Variants in ICOS observed in about 807,000 individuals in gnomAD.
ICOS encodes the protein inducible T cell costimulator, also known as inducible T-cell costimulator.
ICOS carries 15 observed loss-of-function variants against 24.6 expected under a neutral mutation model. That is an observed-to-expected ratio of 0.61 (90% confidence interval 0.41 to 0.94). The LOEUF (loss-of-function observed/expected upper bound fraction) is 0.94. Ranked by LOEUF, ICOS falls within the 40% of genes least tolerant of loss-of-function variation. The probability of loss-of-function intolerance (pLI) is 0.00; values close to 1 mark genes in which losing one functional copy is unlikely to be tolerated. For missense variants in ICOS, 200 were observed against 233.0 expected, an observed-to-expected ratio of 0.86 and a Z score of 0.92; for synonymous variants, 89 against 77.5, an observed-to-expected ratio of 1.15 and a Z score of -0.78.
At position 203,961,227 on chromosome 2, in the gene ICOS, A is replaced by G. The variant is rs983617040; in HGVS notation, c.*1628A>G. 1 of 152,692 alleles carries G rather than the reference A, an allele frequency of 6.5e-6. No individual in the cohort carries two copies. Among genetic ancestry groups the G allele is most frequent in the African/African-American group, 2.4e-5 (1 of 41,138 alleles). The allele number at this position is 152,692 out of a possible 1,614,324, so 9.5% of individuals were successfully genotyped here. A position where few individuals can be genotyped will look rare whatever the true frequency, so the allele number is the denominator to read the frequency against. On this transcript the variant is annotated 3_prime_UTR_variant, in exon 5 of 5. Coordinates refer to ENST00000316386, the MANE Select transcript of ICOS (RefSeq NM_012092.4). ...TTATCTTAAGCATGTGTAATGCTGGATGTGTACAGTACAGTACTGAACTTG... is the reference window on the plus strand; with the variant it reads ...TTATCTTAAGCATGTGTAATGCTGGGTGTGTACAGTACAGTACTGAACTTG...
At chr2:203,948,163 G>A (rs1689906079) in intron 1 of ICOS, among the ~76,000 whole-genome samples, 1 of 152,162 alleles carries the variant, frequency 6.6e-6, no homozygotes, top group African/African-American at 2.4e-5. Context: ...TTTCTTTAAA[G>A]CTCAGACAGA....
intron 1 of ICOS, among the ~76,000 whole-genome samples, chr2:203,947,228 A>C (rs1280033614): frequency 2.0e-5 from 3 of 152,212 alleles, no homozygotes; most frequent in Non-Finnish European, 4.4e-5. Context: ...GAAAACCTAA[A>C]GAGATCACTT....
intron 1 of ICOS, among the ~76,000 whole-genome samples, chr2:203,951,119 C>T (rs767097179): frequency 6.6e-5 from 10 of 151,920 alleles, no homozygotes; most frequent in African/African-American, 2.4e-4. Flanking sequence ...CAGCTGATGT[C>T]AGTGGCACAC....
chr2:203,942,726 G>C (rs927953657), intron 1 of ICOS, among the ~76,000 whole-genome samples: 4 of 152,058 alleles, frequency 2.6e-5, no homozygotes, highest in African/African-American at 7.2e-5. Flanking sequence ...GCTTCTTTTT[G>C]TTTTTTTATT....
chr2:203,950,077 T>A (rs1395352390), intron 1 of ICOS, among the ~76,000 whole-genome samples: 1 of 152,276 alleles, frequency 6.6e-6, no homozygotes, highest in African/African-American at 2.4e-5. Flanking sequence ...AATTTGTCAT[T>A]TGAGCATTGT....
At chr2:203,953,305 CGGGGTTCT>C (rs1412095069) in intron 1 of ICOS, among the ~76,000 whole-genome samples, 9 of 152,126 alleles carry the variant, frequency 5.9e-5, no homozygotes, top group African/African-American at 2.2e-4. Flanking sequence ...GCCTGTCTCT[CGGGGTTCT>C]GGTTCTCTCT....
intron 1 of ICOS, among the ~76,000 whole-genome samples, chr2:203,939,178 G>T (rs1457209663): frequency 6.6e-6 from 1 of 152,150 alleles, no homozygotes; most frequent in African/African-American, 2.4e-5. Flanking sequence ...ACCAAAGTTA[G>T]AACTCTAATG....
chr2:203,960,868 A>C lies in ICOS; in HGVS notation c.*1269A>C, dbSNP rs1430869619. On this transcript the variant is annotated 3_prime_UTR_variant, in exon 5 of 5. Coordinates refer to ENST00000316386, the MANE Select transcript of ICOS (RefSeq NM_012092.4). Reference sequence around the variant, plus strand: ...TCACAGTGGTCTACCTGCATTCATAATTCCAGGATCTGTGAAGAGCACATA... The same window carrying C: ...TCACAGTGGTCTACCTGCATTCATACTTCCAGGATCTGTGAAGAGCACATA... The C allele has an allele frequency of 6.6e-6, 1 of 152,214 alleles. No homozygotes were observed. The highest frequency in any genetic ancestry group is 1.5e-5 in the Non-Finnish European group (1 of 68,042). The allele number at this position is 152,214 out of a possible 1,614,324, so 9.4% of individuals were successfully genotyped here.
Position 203,957,852 on chromosome 2 carries a change from A to G in ICOS, c.555A>G (p.Ala185=). Residue 185 remains alanine, a synonymous_variant, in exon 4 of 5, where the codon GCA becomes GCG. Transcript: ENST00000316386. Reference sequence around the variant, plus strand: ...ACGGTGAATACATGTTCATGAGAGCAGTGAACACAGCCAAAAAATCTAGAC... The same window carrying G: ...ACGGTGAATACATGTTCATGAGAGCGGTGAACACAGCCAAAAAATCTAGAC... The part of the protein sequence containing the change: ...DPNGEYMFMR[A]VNTAKKSRLT... The G allele has an allele frequency of 1.2e-6, 2 of 1,612,898 alleles. No individual in the cohort carries two copies. The highest frequency in any genetic ancestry group is 1.1e-5 in the South Asian group (1 of 91,056).
At chr2:203,953,537 C>A (rs1162189692) in intron 1 of ICOS, among the ~76,000 whole-genome samples, 1 of 151,694 alleles carries the variant, frequency 6.6e-6, no homozygotes, top group African/African-American at 2.4e-5. Context: ...AAATTGAAGC[C>A]CAGGGTCATT....
At chr2:203,943,423 T>C (rs1255821950) in intron 1 of ICOS, among the ~76,000 whole-genome samples, 1 of 152,080 alleles carries the variant, frequency 6.6e-6, no homozygotes, top group Non-Finnish European at 1.5e-5. Flanking sequence ...GATTGTTGTC[T>C]CTCTTCTGGG....
At chr2:203,953,156 T>G (rs186418219) in intron 1 of ICOS, among the ~76,000 whole-genome samples, 17 of 152,300 alleles carry the variant, frequency 1.1e-4, no homozygotes, top group African/African-American at 3.8e-4. Context: ...ATGTAACTCT[T>G]TGGGGTCCCA....
Position 203,959,991 on chromosome 2 carries a change from A to G in ICOS, c.*392A>G, listed in dbSNP as rs1690149027. 5.8e-6 allele frequency: 2 copies of G among 346,342 alleles called. No homozygotes were observed. The highest frequency in any genetic ancestry group is 3.9e-5 in the Admixed American group (1 of 25,548). 21.5% of individuals were successfully genotyped at this position (346,342 alleles called of 1,614,324 possible). On this transcript the variant is annotated 3_prime_UTR_variant, in exon 5 of 5. Transcript: ENST00000316386. ...CAAAGCAAATGAGCAGCCAAGGACC[A>G]GCATCTGTCCGCATTTCACTATCAT...
rs1690066694 is a variant in ICOS at position 203,955,765 on chromosome 2, G to A, written c.188G>A (p.Cys63Tyr). ...TTGCTGAAAGGGGGGCAAATACTCT[G>A]CGATCTCACTAAGACAAAAGGAAGT... ...MQLLKGGQIL[C>Y]DLTKTKGSGN... The change falls in exon 2 of 5, where the codon TGC (cysteine) becomes TAC (tyrosine). Residue 63 changes from cysteine (C) to tyrosine (Y), a missense_variant. Physicochemically the swap from Cys to Tyr is radical, Grantham distance 194. Transcript: ENST00000316386. The A allele has an allele frequency of 1.9e-6, 3 of 1,613,790 alleles. No homozygotes were observed. Among genetic ancestry groups the A allele is most frequent in the Non-Finnish European group, 2.5e-6 (3 of 1,179,818 alleles).
chr2:203,955,643 C>G lies in ICOS; in HGVS notation c.66C>G (p.Ile22Met). The G allele has an allele frequency of 6.2e-7, 1 of 1,610,532 alleles. No individual in the cohort carries two copies. The highest frequency in any genetic ancestry group is 8.5e-7 in the Non-Finnish European group (1 of 1,176,920). ...TTCTTTCTTTTTATGCAGGAGAAAT[C>G]AATGGTTCTGCCAATTATGAGATGT... is the stretch of plus-strand genomic sequence containing the variant. ...CLRIKVLTGE[I>M]NGSANYEMFI... Residue 22 changes from isoleucine (I) to methionine (M), a missense_variant, in exon 2 of 5, where the codon ATC becomes ATG. Transcript: ENST00000316386.
At chr2:203,940,310 A>G (rs1461300559) in intron 1 of ICOS, among the ~76,000 whole-genome samples, 3 of 152,194 alleles carry the variant, frequency 2.0e-5, no homozygotes, top group African/African-American at 7.2e-5. Context: ...GATCATTGCT[A>G]GGTTTCCTCT....
At chr2:203,949,460 A>G (rs945606530) in intron 1 of ICOS, among the ~76,000 whole-genome samples, 2 of 152,204 alleles carry the variant, frequency 1.3e-5, no homozygotes, top group African/African-American at 4.8e-5. Flanking sequence ...CTGTATGTAC[A>G]CAAAAGAGGT....
intron 1 of ICOS, among the ~76,000 whole-genome samples, chr2:203,937,875 A>C (rs192485323): frequency 6.6e-6 from 1 of 152,364 alleles, no homozygotes; most frequent in Admixed American, 6.5e-5. Flanking sequence ...TAGAATGAGC[A>C]CAAGGACAGT....
At chr2:203,958,725 A>G (rs945310386) in intron 4 of ICOS, among the ~76,000 whole-genome samples, 8 of 152,214 alleles carry the variant, frequency 5.3e-5, no homozygotes, top group African/African-American at 2.4e-5. Flanking sequence ...TTTAGATGAC[A>G]GAAATTGATG....
Sources: allele counts gnomAD v4.1 joint callset (sites outside exome capture counted in the v4.1 genomes callset), GRCh38; gene constraint gnomAD v4.1.1; transcripts MANE v1.5; gene names NCBI Gene and HGNC (gene_info 2026-07-23, HGNC 2026-07-21).